The following NOS1 variants were observed in gnomAD, a reference collection of about 807,000 sequenced individuals.
NOS1 encodes NOS type I.
In NOS1, 51 loss-of-function variants were observed where a neutral mutation model predicts 164.5. The ratio of observed to expected loss-of-function variants is 0.31; its 90% confidence interval spans 0.25 to 0.39. The LOEUF is 0.39. Ranked by LOEUF, NOS1 falls within the 10% of genes least tolerant of loss-of-function variation. The pLI is 1.00. For synonymous variants in NOS1, 719 were observed against 745.8 expected (o/e 0.96, Z 0.59); for missense variants, 1,362 against 1,885.6 (o/e 0.72, Z 5.14).
At position 117,242,622 on chromosome 12, in the gene NOS1, C is replaced by T. The variant is rs765662433; in HGVS notation, c.3041+5G>A. ...AGGTAACCCAGTGAACCAAGATGTT[C>T]CTACCTGGATTTAGGGCTCTGGAGG... On this transcript the variant is annotated splice_donor_5th_base_variant and intron_variant, in intron 20 of 28. Transcript: ENST00000317775. The T allele has an allele frequency of 1.2e-5, 20 of 1,613,576 alleles. 1 individual carries two copies. The South Asian group carries it at 2.2e-4, about 18-fold the overall frequency.
intron 22 of NOS1, among the ~76,000 whole-genome samples, chr12:117,229,777 C>T (rs969222433): frequency 2.0e-5 from 3 of 152,160 alleles, no homozygotes; most frequent in Non-Finnish European, 4.4e-5. Context: ...TTAGTAGAGA[C>T]GGGGTTTCAC....
At chr12:117,302,521 G>A (rs1188591991) in intron 3 of NOS1, among the ~76,000 whole-genome samples, 7 of 149,932 alleles carry the variant, frequency 4.7e-5, no homozygotes, top group Admixed American at 2.0e-4. Context: ...GTGAACCCCA[G>A]GGGGCAGAGC....
chr12:117,294,691 C>T (rs1487445041), intron 3 of NOS1, among the ~76,000 whole-genome samples: 11 of 152,164 alleles, frequency 7.2e-5, no homozygotes, highest in Non-Finnish European at 1.3e-4. Flanking sequence ...ATTAGCAGCA[C>T]TTGTGAGTTA....
intron 26 of NOS1, among the ~76,000 whole-genome samples, chr12:117,220,890 A>G (rs1592923102): frequency 6.6e-6 from 1 of 151,968 alleles, no homozygotes; most frequent in East Asian, 1.9e-4. Context: ...GGAAACTCCC[A>G]CTCTGAAGCT....
intron 5 of NOS1, among the ~76,000 whole-genome samples, chr12:117,287,679 T>A (rs1872798851): frequency 6.6e-6 from 1 of 152,234 alleles, no homozygotes; most frequent in South Asian, 2.1e-4. Flanking sequence ...GCTCAAGCAA[T>A]CTGCCCGCCT....
chr12:117,351,372 C>T (rs1299732148), intron 1 of NOS1, among the ~76,000 whole-genome samples: 5 of 152,312 alleles, frequency 3.3e-5, no homozygotes, highest in African/African-American at 1.2e-4. Flanking sequence ...TGTCGCTTCC[C>T]CCTGCTCCTT....
intron 13 of NOS1, among the ~76,000 whole-genome samples, chr12:117,262,840 C>T (rs149464677): frequency 6.6e-6 from 1 of 152,098 alleles, no homozygotes; most frequent in Non-Finnish European, 1.5e-5. Context: ...TCAGCTGGTC[C>T]TCTGGCTGGT....
At chr12:117,248,629 C>A (rs1357871392) in intron 17 of NOS1, among the ~76,000 whole-genome samples, 4 of 151,398 alleles carry the variant, frequency 2.6e-5, no homozygotes, top group East Asian at 3.9e-4. Context: ...CAAGTCTTTG[C>A]TATTGTGAAT....
At chr12:117,337,159 A>G (rs1473644519) in intron 1 of NOS1, among the ~76,000 whole-genome samples, 1 of 119,490 alleles carries the variant, frequency 8.4e-6, no homozygotes, top group East Asian at 2.5e-4. Flanking sequence ...TCTGTCGCCC[A>G]GGCTGGAGTG....
intron 2 of NOS1, among the ~76,000 whole-genome samples, chr12:117,320,405 A>G (rs1252234823): frequency 6.6e-6 from 1 of 152,168 alleles, no homozygotes; most frequent in African/African-American, 2.4e-5. Context: ...GGAAGGGACC[A>G]CAAGCTAAAG....
At position 117,243,982 on chromosome 12, in the gene NOS1, A is replaced by G. The variant is rs1870415596; in HGVS notation, c.2824-547T>C. ...CGATGTGCTGGACACGTCGGATTTG[A>G]CATTGACTTTAGGACCTAACCTGTA... On this transcript the variant is annotated intron_variant, in intron 18 of 28. Transcript: ENST00000317775. The surrounding 1 kb of genome is among the most constrained non-coding windows in gnomAD (Gnocchi z 4.3). 6.6e-6 allele frequency among the ~76,000 whole-genome samples: 1 copy of G among 152,182 alleles called. No homozygotes were observed.
intron 3 of NOS1, among the ~76,000 whole-genome samples, chr12:117,290,885 C>T (rs1398078208): frequency 6.6e-6 from 1 of 152,124 alleles, no homozygotes; most frequent in Non-Finnish European, 1.5e-5. Context: ...CTCACCATTT[C>T]TGGCGAGTAC....
At chr12:117,219,587 G>A (rs1010108738) in intron 27 of NOS1, among the ~76,000 whole-genome samples, 3 of 152,176 alleles carry the variant, frequency 2.0e-5, no homozygotes, top group Non-Finnish European at 2.9e-5. Context: ...AATTATAGGC[G>A]TGAGCCACCG....
chr12:117,264,730 T>C (rs1203126200), intron 12 of NOS1, among the ~76,000 whole-genome samples: 1 of 149,194 alleles, frequency 6.7e-6, no homozygotes, highest in African/African-American at 2.5e-5. Flanking sequence ...TCTCTCTCTT[T>C]CTCTCTTTCT....
intron 1 of NOS1, among the ~76,000 whole-genome samples, chr12:117,335,927 G>A (rs535073310): frequency 3.9e-5 from 6 of 152,098 alleles, no homozygotes; most frequent in South Asian, 2.1e-4. Context: ...CTATGTTCTC[G>A]AACTCCTGGG....
At chr12:117,287,190 G>T (rs894457753) in intron 5 of NOS1, among the ~76,000 whole-genome samples, 3 of 151,964 alleles carry the variant, frequency 2.0e-5, no homozygotes, top group Non-Finnish European at 2.9e-5. Context: ...CTCCAGCCTG[G>T]GTGACAGAGC....
At chr12:117,299,235 A>G (rs1873632089) in intron 3 of NOS1, among the ~76,000 whole-genome samples, 1 of 152,264 alleles carries the variant, frequency 6.6e-6, no homozygotes. Flanking sequence ...AAAAATTGCT[A>G]TGTATAGAAC....
intron 3 of NOS1, among the ~76,000 whole-genome samples, chr12:117,303,013 C>T (rs899940298): frequency 2.6e-5 from 4 of 152,104 alleles, no homozygotes; most frequent in East Asian, 1.9e-4. Flanking sequence ...CCCAAAGTGT[C>T]GGGATTACAG....
intron 18 of NOS1, among the ~76,000 whole-genome samples, chr12:117,246,732 A>C (rs1278194213): frequency 2.0e-5 from 3 of 152,202 alleles, no homozygotes; most frequent in Admixed American, 6.5e-5. Context: ...TGCAATACAT[A>C]TTCTTTTGTG....
Sources: allele counts gnomAD v4.1 joint callset (sites outside exome capture counted in the v4.1 genomes callset), GRCh38; gene constraint gnomAD v4.1.1; non-coding constraint Gnocchi (gnomAD v3.1); transcripts MANE v1.5; gene names NCBI Gene and HGNC (gene_info 2026-07-23, HGNC 2026-07-21).